Variants in GPATCH2 observed in about 807,000 individuals in gnomAD.
GPATCH2 encodes G-patch domain containing 2.
GPATCH2 carries 51 observed loss-of-function variants against 58.0 expected under a neutral mutation model. The ratio of observed to expected loss-of-function variants is 0.88; its 90% CI spans 0.70 to 1.11. GPATCH2 has a LOEUF of 1.11. GPATCH2 is among the 50% of genes most tolerant of loss of function. The pLI, the probability that GPATCH2 is intolerant of heterozygous loss-of-function variation, is 0.00. For synonymous variants in GPATCH2, 222 were observed against 218.5 expected (o/e 1.02, Z -0.14); for missense variants, 625 against 652.2 (o/e 0.96, Z 0.45).
chr1:217,462,531 G>A (rs1002580244), intron 8 of GPATCH2, among the ~76,000 whole-genome samples: 7 of 152,178 alleles, frequency 4.6e-5, no homozygotes, highest in Non-Finnish European at 8.8e-5. Flanking sequence ...AGACACTGCT[G>A]TATAAATTAT....
At chr1:217,498,806 T>C (rs1481753469) in intron 6 of GPATCH2, 2 of 271,586 alleles carry the variant, frequency 7.4e-6, no homozygotes, top group East Asian at 2.4e-4. Flanking sequence ...TACAACAATA[T>C]TACATTATCT....
At chr1:217,492,794 A>G (rs1328881603) in intron 7 of GPATCH2, 2 of 152,246 alleles carry the variant, frequency 1.3e-5, no homozygotes, top group African/African-American at 2.4e-5. Flanking sequence ...ACTGGAACAT[A>G]GGAAATGCTG....
chr1:217,543,939 T>G (rs1196947772), intron 5 of GPATCH2, among the ~76,000 whole-genome samples: 1 of 152,208 alleles, frequency 6.6e-6, no homozygotes, highest in African/African-American at 2.4e-5. Context: ...GGCTAACAGT[T>G]GTATTGCTTC....
intron 5 of GPATCH2, among the ~76,000 whole-genome samples, chr1:217,571,721 C>A (rs7544374): frequency 0.27 from 29,883 of 112,432 alleles, 4,020 homozygotes; most frequent in East Asian, 0.62. Context: ...AAAAAAAAAA[C>A]AAAAAAGAAG....
chr1:217,591,616 T>C (rs1667595740), intron 5 of GPATCH2, among the ~76,000 whole-genome samples: 1 of 152,124 alleles, frequency 6.6e-6, no homozygotes, highest in Non-Finnish European at 1.5e-5. Context: ...AACTGAGTTC[T>C]AACCATGCAA....
chr1:217,553,370 T>C (rs1328700627), intron 5 of GPATCH2, among the ~76,000 whole-genome samples: 1 of 152,068 alleles, frequency 6.6e-6, no homozygotes, highest in Non-Finnish European at 1.5e-5. Context: ...GGTATACATC[T>C]AAGGGAGAAC....
intron 8 of GPATCH2, among the ~76,000 whole-genome samples, chr1:217,479,703 T>C (rs1234873469): frequency 6.6e-6 from 1 of 152,084 alleles, no homozygotes; most frequent in Admixed American, 6.6e-5. Context: ...ACTCTCCAGT[T>C]AATAGACAGA....
Position 217,478,014 on chromosome 1 carries a change from A to G in GPATCH2, c.1277+13666T>C, listed in dbSNP as rs987268128. 5.3e-5 allele frequency among the ~76,000 whole-genome samples: 8 copies of G among 152,346 alleles called. No homozygotes were observed. In the East Asian group the frequency reaches 1.4e-3, roughly 26 times the overall value. On this transcript the variant is annotated intron_variant, in intron 8 of 9. Transcript: ENST00000366935. ...AAGAGAATTAGAATCTCTGCCTGGT[A>G]ATCCAGATAATTCTCCCAGATCTTG...
chr1:217,524,572 T>C (rs1663717236), intron 5 of GPATCH2, among the ~76,000 whole-genome samples: 4 of 151,670 alleles, frequency 2.6e-5, no homozygotes, highest in Non-Finnish European at 4.4e-5. Context: ...CTCGGCACCA[T>C]TGAGCACTGA....
At chr1:217,459,338 A>G (rs1032057294) in intron 8 of GPATCH2, among the ~76,000 whole-genome samples, 5 of 152,176 alleles carry the variant, frequency 3.3e-5, no homozygotes, top group African/African-American at 1.2e-4. Context: ...CTAGCAGACC[A>G]CCTCTTTGGG....
chr1:217,460,125 C>T (rs1295384580), intron 8 of GPATCH2, among the ~76,000 whole-genome samples: 1 of 152,058 alleles, frequency 6.6e-6, no homozygotes, highest in Non-Finnish European at 1.5e-5. Flanking sequence ...GGTATTATGC[C>T]AGTAATTTTT....
intron 5 of GPATCH2, among the ~76,000 whole-genome samples, chr1:217,567,339 C>T (rs181096533): frequency 7.2e-4 from 109 of 152,332 alleles, no homozygotes; most frequent in Middle Eastern, 6.8e-3. Context: ...AGCCACCGCA[C>T]CCAGCCTAAA....
intron 5 of GPATCH2, among the ~76,000 whole-genome samples, chr1:217,562,689 C>T (rs773985357): frequency 3.3e-5 from 5 of 152,146 alleles, no homozygotes; most frequent in Non-Finnish European, 7.3e-5. Flanking sequence ...CACATATGTT[C>T]AAACCACAGG....
At chr1:217,498,646 T>C in intron 6 of GPATCH2, 1 of 572,790 alleles carries the variant, frequency 1.7e-6, no homozygotes, top group South Asian at 2.1e-5. Flanking sequence ...TTAATTATGT[T>C]AACATAAACT....
chr1:217,504,306 G>C (rs924913762), intron 6 of GPATCH2, among the ~76,000 whole-genome samples: 1 of 152,092 alleles, frequency 6.6e-6, no homozygotes, highest in African/African-American at 2.4e-5. Flanking sequence ...GTCCTCCTTT[G>C]GGCAGCCTGT....
intron 5 of GPATCH2, among the ~76,000 whole-genome samples, chr1:217,521,913 G>A (rs2102598112): frequency 6.6e-6 from 1 of 152,278 alleles, no homozygotes; most frequent in South Asian, 2.1e-4. Flanking sequence ...TAACCTTACA[G>A]CTGCCAGCAT....
chr1:217,487,614 C>G (rs1280175730), intron 8 of GPATCH2, among the ~76,000 whole-genome samples: 1 of 152,020 alleles, frequency 6.6e-6, no homozygotes, highest in African/African-American at 2.4e-5. Context: ...TTGGTAGAAA[C>G]AGGGTTTCAC....
intron 5 of GPATCH2, chr1:217,609,863 A>G: frequency 9.7e-7 from 1 of 1,026,384 alleles, no homozygotes. Flanking sequence ...CAAAGCAAGT[A>G]TACATAAATG....
chr1:217,491,130 A>G (rs1329469878), intron 8 of GPATCH2, among the ~76,000 whole-genome samples: 3 of 152,244 alleles, frequency 2.0e-5, no homozygotes. Context: ...AGCCATTTTC[A>G]TCTAAACAAA....
Sources: gnomAD v4.1 joint callset for allele counts (sites outside exome capture counted in the v4.1 genomes callset) on GRCh38, gnomAD v4.1.1 for gene constraint, MANE v1.5 for transcripts, NCBI Gene and HGNC (gene_info 2026-07-23, HGNC 2026-07-21) for gene names.